EHBP1: variants seen among roughly 807,000 people sequenced by gnomAD.
The protein encoded by EHBP1 is EH domain binding protein 1.
In EHBP1, 55 loss-of-function variants were observed where a neutral mutation model predicts 144.0. The observed-to-expected ratio is 0.38, with a 90% CI of 0.31 to 0.48. The LOEUF (loss-of-function observed/expected upper bound fraction) is 0.48, where lower values mean the gene tolerates loss of function less well. EHBP1 is among the 20% of genes least tolerant of loss of function. The pLI is 0.98. For missense variants in EHBP1, 1,200 were observed against 1,364.2 expected (o/e 0.88, Z 1.90); for synonymous variants, 469 against 472.7 (o/e 0.99, Z 0.10).
intron 10 of EHBP1, among the ~76,000 whole-genome samples, chr2:62,933,459 A>G (rs2056159206): frequency 6.6e-6 from 1 of 152,220 alleles, no homozygotes; most frequent in Non-Finnish European, 1.5e-5. Flanking sequence ...AGTTAGTTTC[A>G]GTGTGGAATC....
chr2:62,836,830 G>A (rs912779825), intron 7 of EHBP1, among the ~76,000 whole-genome samples: 12 of 151,364 alleles, frequency 7.9e-5, no homozygotes, highest in African/African-American at 2.2e-4. Context: ...CAAGAAATAT[G>A]GGACTATGTG....
chr2:62,841,349 G>A (rs1346519415), intron 7 of EHBP1, among the ~76,000 whole-genome samples: 1 of 124,128 alleles, frequency 8.1e-6, no homozygotes, highest in Non-Finnish European at 1.6e-5. Context: ...GTGGGGTGGG[G>A]GGAGGGGGGA....
At chr2:62,815,942 G>T (rs1055604228) in intron 5 of EHBP1, among the ~76,000 whole-genome samples, 1 of 152,176 alleles carries the variant, frequency 6.6e-6, no homozygotes, top group East Asian at 1.9e-4. Context: ...CAGTATGCAT[G>T]ATAGAGCAAT....
At chr2:62,798,523 A>G (rs929435072) in intron 5 of EHBP1, among the ~76,000 whole-genome samples, 1 of 152,052 alleles carries the variant, frequency 6.6e-6, no homozygotes, top group Non-Finnish European at 1.5e-5. Context: ...TGTGATTCTG[A>G]GAAAGTCGAT....
intron 7 of EHBP1, among the ~76,000 whole-genome samples, chr2:62,844,972 A>G (rs981435213): frequency 6.6e-6 from 1 of 152,198 alleles, no homozygotes; most frequent in Non-Finnish European, 1.5e-5. Context: ...CAATCTGAAT[A>G]CTGTTGTTTA....
At chr2:62,875,256 C>T (rs2050798325) in intron 10 of EHBP1, among the ~76,000 whole-genome samples, 1 of 152,224 alleles carries the variant, frequency 6.6e-6, no homozygotes, top group Non-Finnish European at 1.5e-5. Flanking sequence ...ATCTTGCCAG[C>T]AGACTGGGAA....
intron 3 of EHBP1, among the ~76,000 whole-genome samples, chr2:62,757,180 A>C (rs1299238799): frequency 2.0e-5 from 3 of 152,098 alleles, no homozygotes; most frequent in Non-Finnish European, 4.4e-5. Flanking sequence ...CCCAGGCTAG[A>C]GTGCAGTGGT....
chr2:62,729,458 AAT>A (rs1411565136), intron 2 of EHBP1, among the ~76,000 whole-genome samples: 4 of 114,488 alleles, frequency 3.5e-5, no homozygotes, highest in Non-Finnish European at 6.8e-5. Flanking sequence ...ATAAATATAT[AAT>A]ATATAAATAT....
At chr2:62,991,183 T>C (rs1408452831) in intron 16 of EHBP1, among the ~76,000 whole-genome samples, 1 of 150,232 alleles carries the variant, frequency 6.7e-6, no homozygotes, top group African/African-American at 2.5e-5. Flanking sequence ...AGTTCAAGGC[T>C]GCAGTGAGTG....
rs2049485788 is a variant in EHBP1, at chr2:62,861,044, AATGTGTTGCAAT to A, written c.757+1754_757+1765del. Among the ~76,000 whole-genome samples, 3 of 151,612 alleles carry A rather than the reference AATGTGTTGCAAT, an allele frequency of 2.0e-5. No homozygotes were observed. The South Asian group carries it at 6.2e-4, about 32-fold the overall frequency. On this transcript the variant is annotated intron_variant, in intron 8 of 22. Coordinates refer to ENST00000431489, the MANE Select transcript of EHBP1 (RefSeq NM_001142616.3). ...AACAGAAGTATTTGGGGAAGAAAAA[AATGTGTTGCAAT>A]TGTTCAGATTATTCTTTTTTTGCTT...
intron 10 of EHBP1, among the ~76,000 whole-genome samples, chr2:62,903,463 C>G (rs1482265712): frequency 6.6e-6 from 1 of 151,924 alleles, no homozygotes; most frequent in Non-Finnish European, 1.5e-5. Context: ...AGAAGAAAAA[C>G]CTAAACATAC....
chr2:63,039,557 A>G (rs886938426), intron 21 of EHBP1, among the ~76,000 whole-genome samples: 16 of 152,118 alleles, frequency 1.1e-4, no homozygotes, highest in African/African-American at 3.9e-4. Flanking sequence ...TGTCTAATCA[A>G]TGCAAACTGA....
At chr2:62,993,489 T>C (rs1018829214) in intron 16 of EHBP1, 41 bp from the exon 17 acceptor site, 1 of 1,406,450 alleles carries the variant, frequency 7.1e-7, no homozygotes, top group African/African-American at 1.4e-5. Context: ...TTTATGTTTA[T>C]GAGATCAGGA....
At chr2:62,897,151 A>T (rs1046366368) in intron 10 of EHBP1, among the ~76,000 whole-genome samples, 2 of 152,164 alleles carry the variant, frequency 1.3e-5, no homozygotes, top group African/African-American at 4.8e-5. Context: ...CACACATACA[A>T]GCAAATCCAA....
At chr2:62,879,848 A>G (rs2051245254) in intron 10 of EHBP1, among the ~76,000 whole-genome samples, 1 of 152,158 alleles carries the variant, frequency 6.6e-6, no homozygotes, top group Non-Finnish European at 1.5e-5. Context: ...AAAATTAGAA[A>G]AAAAAAACTA....
chr2:62,992,269 A>G (rs1039153255), intron 16 of EHBP1, among the ~76,000 whole-genome samples: 1 of 152,208 alleles, frequency 6.6e-6, no homozygotes, highest in Non-Finnish European at 1.5e-5. Context: ...TTCTTTAAAA[A>G]AATAGAATAA....
At chr2:62,766,371 A>G (rs2041190067) in intron 4 of EHBP1, among the ~76,000 whole-genome samples, 1 of 152,158 alleles carries the variant, frequency 6.6e-6, no homozygotes, top group Non-Finnish European at 1.5e-5. Context: ...GAAATAGAAG[A>G]TCATTAGTAG....
At chr2:62,691,714 G>A (rs912658903) in intron 1 of EHBP1, among the ~76,000 whole-genome samples, 1 of 152,156 alleles carries the variant, frequency 6.6e-6, no homozygotes, top group African/African-American at 2.4e-5. Context: ...GTCCCAGGCT[G>A]CAGGTTGGAG....
At chr2:62,906,859 G>A (rs1451047897) in intron 10 of EHBP1, among the ~76,000 whole-genome samples, 1 of 152,064 alleles carries the variant, frequency 6.6e-6, no homozygotes, top group Non-Finnish European at 1.5e-5. Context: ...TATTATTTCA[G>A]GAATTTATAC....
Sources: allele counts gnomAD v4.1 joint callset (sites outside exome capture counted in the v4.1 genomes callset), GRCh38; gene constraint gnomAD v4.1.1; transcripts MANE v1.5; gene names NCBI Gene and HGNC (gene_info 2026-07-23, HGNC 2026-07-21).